The following RIF1 variants were observed in gnomAD, a reference collection of about 807,000 sequenced individuals.
RIF1 encodes telomere-associated protein RIF1.
A neutral mutation model predicts 247.1 loss-of-function variants in RIF1; 45 were observed. The ratio of observed to expected loss-of-function variants is 0.18; its 90% CI spans 0.14 to 0.23. RIF1 has a LOEUF of 0.23. RIF1 is among the 10% of genes least tolerant of loss of function. The pLI is 1.00. For synonymous variants in RIF1, 1,087 were observed against 978.8 expected, an observed-to-expected ratio of 1.11 and a Z score of -2.06; for missense variants, 2,967 against 2,862.5, an observed-to-expected ratio of 1.04 and a Z score of -0.83.
the RIF1 span, chr2:151,525,223 G>A: frequency 6.2e-6 from 10 of 1,613,822 alleles, no homozygotes; most frequent in East Asian, 4.5e-5. Context: ...CCAGCATGAT[G>A]GAGTAGTTGG....
chr2:151,435,235 C>G (rs768787386), intron 10 of RIF1, among the ~76,000 whole-genome samples: 1 of 152,080 alleles, frequency 6.6e-6, no homozygotes, highest in Non-Finnish European at 1.5e-5. Flanking sequence ...GTGTACAGTT[C>G]AGATGTTGAT....
At chr2:151,466,562 C>G in intron 30 of RIF1, among the ~76,000 whole-genome samples, 1 of 151,946 alleles carries the variant, frequency 6.6e-6, no homozygotes, top group Admixed American at 6.5e-5. Flanking sequence ...AAAAAAAACT[C>G]ATGTGCCTTC....
chr2:151,470,889 A>G (rs1254670173), intron 34 of RIF1, among the ~76,000 whole-genome samples: 3 of 152,190 alleles, frequency 2.0e-5, no homozygotes, highest in Admixed American at 6.5e-5. Flanking sequence ...GGGAAAGTCT[A>G]TGAGAATTAG....
intron 24 of RIF1, among the ~76,000 whole-genome samples, chr2:151,458,467 C>T (rs369740116): frequency 7.9e-5 from 12 of 151,860 alleles, no homozygotes; most frequent in African/African-American, 1.9e-4. Flanking sequence ...CTCCTGACCT[C>T]GTTATCTGCG....
intron 20 of RIF1, among the ~76,000 whole-genome samples, chr2:151,450,438 A>G (rs1295423319): frequency 6.6e-6 from 1 of 152,122 alleles, no homozygotes; most frequent in Non-Finnish European, 1.5e-5. Flanking sequence ...CCATATTGTT[A>G]TACATTAGAG....
intron 13 of RIF1, chr2:151,507,123 C>G (rs2069710292): frequency 2.9e-6 from 2 of 689,038 alleles, no homozygotes; most frequent in Non-Finnish European, 4.9e-6. Flanking sequence ...AAAAAAAAGT[C>G]TATGCACAAT....
At chr2:151,501,448 G>A in intron 11 of RIF1, 1 of 1,539,870 alleles carries the variant, frequency 6.5e-7, no homozygotes, top group Non-Finnish European at 8.8e-7. Flanking sequence ...TGACAGGTAG[G>A]GGAGTCCCCT....
intron 10 of RIF1, chr2:151,498,069 T>C: frequency 1.4e-6 from 2 of 1,458,748 alleles, no homozygotes; most frequent in East Asian, 2.5e-5. Flanking sequence ...AACATGTTTG[T>C]TTGTAAATAT....
In RIF1 at chr2:151,410,770, G is replaced by A. The variant is rs1038663385; in HGVS notation, c.104+243G>A. 2.0e-5 allele frequency among the ~76,000 whole-genome samples: 3 copies of A among 152,158 alleles called. 1 individual carries two copies. Among genetic ancestry groups the A allele is most frequent in the South Asian group, 4.1e-4 (2 of 4,830 alleles). On this transcript the variant is annotated intron_variant, in intron 2 of 35. Transcript: ENST00000444746. ...GGGAGCATGCACGTGTGTTTTGCAA[G>A]CGAGGGATTTTTAAAAGTTTCGGTT...
rs1315894937 is a variant in RIF1 at position 151,463,010 on chromosome 2, G to A, written c.3490G>A (p.Glu1164Lys). 1 of 1,613,972 alleles carries A rather than the reference G, an allele frequency of 6.2e-7. No homozygotes were observed. The highest frequency in any genetic ancestry group is 2.2e-5 in the East Asian group (1 of 44,876). The change falls in exon 30 of 36, where the codon GAA (glutamate) becomes AAA (lysine). Residue 1164 changes from glutamate (E) to lysine (K), a missense_variant. By Grantham distance (56) the Glu-to-Lys change is moderately conservative. Coordinates refer to ENST00000444746, the MANE Select transcript of RIF1 (RefSeq NM_018151.5). ...TGGTTCTCTTGACAAAACCAGTCCA[G>A]AAATGTCAAACAGTAATAATGATGA... ...ECGSLDKTSP[E>K]MSNSNNDERK...
rs193078268 is a variant in RIF1 at position 151,435,601 on chromosome 2, T to G, written c.1195+21T>G. 1.0e-4 allele frequency: 138 copies of G among 1,368,646 alleles called. 2 individuals carry two copies. The African/African-American group carries it at 1.7e-3, about 17-fold the overall frequency. The allele number at this position is 1,368,646 out of a possible 1,614,324, so 84.8% of individuals were successfully genotyped here. On this transcript the variant is annotated intron_variant, in intron 11 of 35. Transcript: ENST00000444746. ...CAAAGGTAAGAGGTAGATATTCTTG[T>G]TTTTTGCTTTTTTAATCAGGCTTTG...
chr2:151,525,996 T>A, the RIF1 span: 1 of 1,613,994 alleles, frequency 6.2e-7, no homozygotes, highest in Non-Finnish European at 8.5e-7. Context: ...ACGTGAACAG[T>A]GTCCCGGGTC....
intron 10 of RIF1, chr2:151,497,089 A>AAAG (rs2152958322): frequency 2.0e-6 from 3 of 1,531,898 alleles, no homozygotes; most frequent in Admixed American, 3.9e-5. Flanking sequence ...TCATTTGTTG[A>AAAG]AAGGTTTTAA....
At chr2:151,446,305 G>T in intron 19 of RIF1, 121 bp from the exon 20 acceptor site, 1 of 944,532 alleles carries the variant, frequency 1.1e-6, no homozygotes, top group Non-Finnish European at 1.6e-6. Context: ...GGCCGTTAGT[G>T]TCTTTTTTGA....
chr2:151,446,134 GTAGCTGGGAT>G (rs2152408928), intron 19 of RIF1, among the ~76,000 whole-genome samples: 1 of 152,132 alleles, frequency 6.6e-6, no homozygotes, highest in Admixed American at 6.5e-5. Context: ...AGCCTCCCGA[GTAGCTGGGAT>G]TACAGGCATC....
rs2070582066 is a variant in RIF1, at chr2:151,507,846, G to A, written c.*1145G>A. ...CTGTGATTTGGGATTAAGATACAAGGTGAGCCCAGAGATGAATTGGGCACA... is the reference window on the plus strand; with the variant it reads ...CTGTGATTTGGGATTAAGATACAAGATGAGCCCAGAGATGAATTGGGCACA... On this transcript the variant is annotated 3_prime_UTR_variant and NMD_transcript_variant, in exon 14 of 14. Coordinates refer to the RIF1 transcript ENST00000454583. The A allele has an allele frequency of 4.9e-5, 30 of 607,292 alleles. 1 individual carries two copies. In the South Asian group the frequency reaches 6.3e-4, roughly 13 times the overall value. 37.6% of individuals were successfully genotyped at this position (607,292 alleles called of 1,614,324 possible).
At chr2:151,484,362 GA>G (rs2049362545), downstream of RIF1, among the ~76,000 whole-genome samples, 1 of 152,246 alleles carries the variant, frequency 6.6e-6, no homozygotes, top group East Asian at 1.9e-4. Flanking sequence ...TTGGGAGGCT[GA>G]GGTGGTCGGA....
rs183380843 is a variant in RIF1 at position 151,465,213 on chromosome 2, C to A, written c.5693C>A (p.Thr1898Asn). The change falls in exon 30 of 36, where the codon ACT becomes AAT. Residue 1898 changes from threonine to asparagine, a missense_variant. Around this residue, in one of 7 missense-constraint regions of RIF1, gnomAD observed 2,028 missense variants for 1,825.6 expected, o/e 1.11. Coordinates refer to ENST00000444746, the MANE Select transcript of RIF1 (RefSeq NM_018151.5). ...PKMELSLENVTVEGNACKVTE... is the reference protein window; with the variant it reads ...PKMELSLENVNVEGNACKVTE... ...ATGGAACTGAGTCTAGAGAATGTTA[C>A]TGTTGAAGGAAATGCATGTAAAGTA... 8 of 1,611,476 alleles carry A rather than the reference C, an allele frequency of 5.0e-6. No individual in the cohort carries two copies. Among genetic ancestry groups the A allele is most frequent in the Middle Eastern group, 1.7e-4 (1 of 6,038 alleles).
chr2:151,498,483 G>GACTC, intron 10 of RIF1: 1 of 635,490 alleles, frequency 1.6e-6, no homozygotes, highest in Non-Finnish European at 2.7e-6. Context: ...GAAGCTTTTA[G>GACTC]ACTCAACCTG....
Sources: allele counts gnomAD v4.1 joint callset (sites outside exome capture counted in the v4.1 genomes callset), GRCh38; gene constraint gnomAD v4.1.1; regional missense constraint gnomAD v4.1.1; transcripts MANE v1.5; gene names NCBI Gene and HGNC (gene_info 2026-07-23, HGNC 2026-07-21).